RMDN3: variants seen among roughly 807,000 people sequenced by gnomAD.
The protein encoded by RMDN3 is regulator of microtubule dynamics protein 3.
A neutral mutation model predicts 61.8 loss-of-function variants in RMDN3; 41 were observed. That is an observed-to-expected ratio of 0.66 (90% confidence interval 0.52 to 0.86). The LOEUF (loss-of-function observed/expected upper bound fraction) is 0.86. Among genes scored for constraint, RMDN3 ranks in the 40% least tolerant of loss-of-function variants. RMDN3 has a pLI of 0.00. For synonymous variants in RMDN3, 247 were observed against 232.0 expected, an observed-to-expected ratio of 1.06 and a Z score of -0.59; for missense variants, 557 against 585.3, an observed-to-expected ratio of 0.95 and a Z score of 0.50.
chr15:40,754,553 C>T, intron 2 of RMDN3, 44 bp downstream of exon 2: 1 of 1,561,938 alleles, frequency 6.4e-7, no homozygotes, highest in Non-Finnish European at 8.7e-7. Flanking sequence ...GACCTCAGGC[C>T]CATTAGTCTG....
chr15:40,754,127 C>CTTTTTTTTT lies in RMDN3; in HGVS notation c.187+461_187+469dup, dbSNP rs71428308. 9.6e-4 allele frequency among the ~76,000 whole-genome samples: 119 copies of CTTTTTTTTT among 123,816 alleles called. 2 individuals are homozygous for CTTTTTTTTT. Among genetic ancestry groups the CTTTTTTTTT allele is most frequent in the African/African-American group, 2.5e-3 (78 of 31,780 alleles). 81.2% of individuals were successfully genotyped at this position (123,816 alleles called of 152,430 possible). On this transcript the variant is annotated intron_variant, in intron 2 of 12. Transcript: ENST00000338376. ...GAAAGAGTAGAGAAAACCACGACTG[C>CTTTTTTTTT]TTTTTTTTTTTTTTTTTTTTTGAGA...
chr15:40,750,434 G>A (rs1001344259), intron 4 of RMDN3, among the ~76,000 whole-genome samples: 2 of 151,838 alleles, frequency 1.3e-5, no homozygotes, highest in African/African-American at 4.8e-5. Flanking sequence ...TGGCCAGACT[G>A]GTCTCAAACT....
intron 12 of RMDN3, 130 bp downstream of exon 12, chr15:40,736,994 T>G: frequency 1.3e-6 from 1 of 767,074 alleles, no homozygotes; most frequent in South Asian, 1.6e-5. Flanking sequence ...GCTGGAATTA[T>G]AGGCGTGCGC....
chr15:40,749,111 C>T (rs1323410479), intron 4 of RMDN3, among the ~76,000 whole-genome samples: 2 of 152,284 alleles, frequency 1.3e-5, no homozygotes, highest in African/African-American at 2.4e-5. Context: ...ACCATGTTGG[C>T]CATCTGGTCT....
At chr15:40,739,141 C>T (rs1897181900) in intron 7 of RMDN3, 1 of 152,190 alleles carries the variant, frequency 6.6e-6, no homozygotes, top group Non-Finnish European at 1.5e-5. Context: ...TTCTCCCCCA[C>T]ATCCCCCCTC....
intron 2 of RMDN3, 132 bp downstream of exon 2, chr15:40,754,465 A>G: frequency 1.0e-6 from 1 of 962,860 alleles, no homozygotes; most frequent in Non-Finnish European, 1.4e-6. Context: ...TGCTTTTTCA[A>G]CAAGCTTCCA....
intron 6 of RMDN3, among the ~76,000 whole-genome samples, chr15:40,740,599 T>C (rs1160176521): frequency 2.6e-5 from 4 of 151,786 alleles, no homozygotes; most frequent in South Asian, 4.2e-4. Flanking sequence ...TGAGCCGAGA[T>C]TGCACCACTG....
At chr15:40,737,838 T>A in intron 9 of RMDN3, 112 bp from the exon 10 acceptor site, 1 of 1,436,270 alleles carries the variant, frequency 7.0e-7, no homozygotes, top group Non-Finnish European at 9.8e-7. Context: ...GAACCACCAA[T>A]AATACGAGCA....
chr15:40,754,633 G>A lies in RMDN3; in HGVS notation c.151C>T (p.Leu51=). The change falls in exon 2 of 13, where the codon CTG becomes TTG. Residue 51 remains leucine, a synonymous_variant. Coordinates refer to ENST00000338376, the MANE Select transcript of RMDN3 (RefSeq NM_018145.3). The part of the protein sequence containing the change: ...HGRSQSLPNS[L]DYTQTSDPGR... The stretch of plus-strand genomic sequence containing the variant: ...GGATCTGAAGTCTGCGTATAGTCCA[G>A]GGAGTTGGGCAGGCTCTGGCTGCGG... The A allele has an allele frequency of 1.2e-6, 2 of 1,614,126 alleles. No individual in the cohort carries two copies. Among genetic ancestry groups the A allele is most frequent in the Non-Finnish European group, 1.7e-6 (2 of 1,180,006 alleles).
intron 6 of RMDN3, among the ~76,000 whole-genome samples, chr15:40,740,736 CCTT>C (rs1156444068): frequency 6.6e-6 from 1 of 152,140 alleles, no homozygotes; most frequent in African/African-American, 2.4e-5. Context: ...ACCCCAGTTA[CCTT>C]CTTTTTATAA....
intron 9 of RMDN3, 111 bp downstream of exon 9, chr15:40,737,854 A>C: frequency 2.0e-6 from 3 of 1,464,130 alleles, no homozygotes; most frequent in Non-Finnish European, 2.9e-6. Flanking sequence ...GAGCATTCAG[A>C]AGAAAGGGCA....
chr15:40,753,378 G>A (rs555707647), intron 2 of RMDN3, among the ~76,000 whole-genome samples: 46 of 152,234 alleles, frequency 3.0e-4, no homozygotes, highest in Non-Finnish European at 6.0e-4. Context: ...TGGGCATGGT[G>A]GCACGCACCT....
chr15:40,751,910 A>T, intron 3 of RMDN3, 76 bp downstream of exon 3: 1 of 1,457,552 alleles, frequency 6.9e-7, no homozygotes, highest in Non-Finnish European at 9.4e-7. Flanking sequence ...AGAGACAGAC[A>T]GCGAAGGCCA....
In RMDN3 at chr15:40,755,087, G is replaced by A. The variant is rs1897990531; in HGVS notation, c.-12C>T. 1 of 328,758 alleles carries A rather than the reference G, an allele frequency of 3.0e-6. No homozygotes were observed. The highest frequency in any genetic ancestry group is 5.7e-6 in the Non-Finnish European group (1 of 174,758). 20.4% of individuals were successfully genotyped at this position (328,758 alleles called of 1,614,324 possible). A position where few individuals can be genotyped will look rare whatever the true frequency, so the allele number is the denominator to read the frequency against. ...TTCTGGGCCTTCAACCCCCACCTCA[G>A]CCTCACGACACTGCAGACCACAAAC... On this transcript the variant is annotated 5_prime_UTR_variant, in exon 1 of 13. Transcript: ENST00000338376.
At chr15:40,738,809 T>A (rs1397529925) in intron 7 of RMDN3, 1 of 562,148 alleles carries the variant, frequency 1.8e-6, no homozygotes, top group Non-Finnish European at 3.2e-6. Flanking sequence ...ATTCTAGGTA[T>A]AAAAAAAGCT....
chr15:40,738,424 T>A, intron 8 of RMDN3, 77 bp downstream of exon 8: 1 of 1,459,470 alleles, frequency 6.9e-7, no homozygotes, highest in Non-Finnish European at 9.5e-7. Flanking sequence ...TGTAGAAAAG[T>A]TTTTGGCAGG....
chr15:40,751,583 C>T lies in RMDN3; in HGVS notation c.381-14G>A. ...TCCATGTGGCATCTGGAAAGCAGGCCCCATCCCGAAGGGTACCATTAGGTC... is the reference window on the plus strand; with the variant it reads ...TCCATGTGGCATCTGGAAAGCAGGCTCCATCCCGAAGGGTACCATTAGGTC... On this transcript the variant is annotated splice_polypyrimidine_tract_variant and intron_variant, in intron 3 of 12. Transcript: ENST00000338376. The T allele has an allele frequency of 6.2e-7, 1 of 1,614,118 alleles. No individual in the cohort carries two copies. Among genetic ancestry groups the T allele is most frequent in the Non-Finnish European group, 8.5e-7 (1 of 1,180,028 alleles).
At chr15:40,750,395 T>G (rs1004324045) in intron 4 of RMDN3, among the ~76,000 whole-genome samples, 12 of 151,894 alleles carry the variant, frequency 7.9e-5, no homozygotes, top group African/African-American at 2.9e-4. Context: ...AATTTTTGTA[T>G]TTTTAGTAGA....
chr15:40,742,292 G>A (rs1301060716), intron 6 of RMDN3, among the ~76,000 whole-genome samples: 1 of 151,372 alleles, frequency 6.6e-6, no homozygotes, highest in South Asian at 2.1e-4. Context: ...ATAGGCATGA[G>A]CCACCACACC....
Sources: allele counts gnomAD v4.1 joint callset (sites outside exome capture counted in the v4.1 genomes callset), GRCh38; gene constraint gnomAD v4.1.1; transcripts MANE v1.5; gene names NCBI Gene and HGNC (gene_info 2026-07-23, HGNC 2026-07-21).